Variants in EYA1 observed in about 807,000 individuals in gnomAD.
EYA1 encodes protein phosphatase EYA1.
EYA1 carries 16 observed loss-of-function variants against 82.0 expected under a neutral mutation model. The ratio of observed to expected loss-of-function variants is 0.20; its 90% CI spans 0.13 to 0.30. The LOEUF (loss-of-function observed/expected upper bound fraction) is 0.30, where lower values mean the gene tolerates loss of function less well. EYA1 is among the 10% of genes least tolerant of loss of function. The pLI, the probability that EYA1 is intolerant of heterozygous loss-of-function variation, is 1.00. For synonymous variants in EYA1, 261 were observed against 264.4 expected (o/e 0.99, Z 0.12); for missense variants, 633 against 730.7 (o/e 0.87, Z 1.54).
At chr8:71,355,501 T>C (rs1159349895) in intron 2 of EYA1, among the ~76,000 whole-genome samples, 2 of 152,214 alleles carry the variant, frequency 1.3e-5, no homozygotes. Context: ...AACTACTTAA[T>C]TGTTCCTCTG....
At chr8:71,298,057 G>A (rs1819781836) in intron 9 of EYA1, among the ~76,000 whole-genome samples, 1 of 152,040 alleles carries the variant, frequency 6.6e-6, no homozygotes, top group Non-Finnish European at 1.5e-5. Flanking sequence ...ACTTTTGGGG[G>A]AGAAATCACC....
chr8:71,380,792 C>G (rs1828657060), intron 2 of EYA1, among the ~76,000 whole-genome samples: 1 of 152,204 alleles, frequency 6.6e-6, no homozygotes, highest in South Asian at 2.1e-4. Flanking sequence ...GGGGCACAAC[C>G]AGTAATTCAA....
At chr8:71,350,589 A>G (rs998193019) in intron 3 of EYA1, among the ~76,000 whole-genome samples, 1 of 152,216 alleles carries the variant, frequency 6.6e-6, no homozygotes, top group Non-Finnish European at 1.5e-5. Context: ...TGCAGTGAAG[A>G]TTCCAATTGC....
chr8:71,408,317 A>T (rs958241142), intron 2 of EYA1, among the ~76,000 whole-genome samples: 1 of 151,934 alleles, frequency 6.6e-6, no homozygotes, highest in African/African-American at 2.4e-5. Context: ...GCATCAACTA[A>T]CGAGCAAAAA....
chr8:71,533,368 G>A (rs1379663105), intron 2 of EYA1, among the ~76,000 whole-genome samples: 1 of 152,202 alleles, frequency 6.6e-6, no homozygotes, highest in Non-Finnish European at 1.5e-5. Context: ...GCCAAATGCT[G>A]TTAACTGTTG....
At chr8:71,502,200 T>C (rs1030745741) in intron 2 of EYA1, among the ~76,000 whole-genome samples, 20 of 152,220 alleles carry the variant, frequency 1.3e-4, no homozygotes, top group African/African-American at 4.8e-4. Flanking sequence ...CCCATTTGAC[T>C]AGGTGATACA....
intron 12 of EYA1, among the ~76,000 whole-genome samples, chr8:71,242,773 C>CTTTTTT (rs35413533): frequency 9.3e-5 from 11 of 117,656 alleles, no homozygotes; most frequent in African/African-American, 3.3e-4. Context: ...AGTTTTGGCA[C>CTTTTTT]TTTTTTTTTT....
chr8:71,517,386 T>G (rs1021876567), intron 2 of EYA1, among the ~76,000 whole-genome samples: 4 of 151,916 alleles, frequency 2.6e-5, no homozygotes, highest in Admixed American at 2.0e-4. Context: ...TAAAATATTT[T>G]GAAAAATGCA....
chr8:71,488,744 C>T (rs1039730797), intron 2 of EYA1, among the ~76,000 whole-genome samples: 3 of 152,150 alleles, frequency 2.0e-5, no homozygotes. Flanking sequence ...AATTTTAAAA[C>T]AACAGCAAAA....
intron 6 of EYA1, among the ~76,000 whole-genome samples, chr8:71,319,643 T>C (rs1822311435): frequency 6.6e-6 from 1 of 152,166 alleles, no homozygotes; most frequent in Admixed American, 6.5e-5. Flanking sequence ...TCCCCACTGA[T>C]CTATCATTCT....
At chr8:71,272,004 A>T (rs887483453) in intron 9 of EYA1, 107 bp from the exon 10 acceptor site, 17 of 1,146,306 alleles carry the variant, frequency 1.5e-5, no homozygotes, top group African/African-American at 3.1e-5. Context: ...AGCACATTTC[A>T]TTCTGCTGAA....
intron 2 of EYA1, among the ~76,000 whole-genome samples, chr8:71,499,428 G>A (rs1027517648): frequency 6.6e-6 from 1 of 152,180 alleles, no homozygotes; most frequent in Non-Finnish European, 1.5e-5. Flanking sequence ...CTGAGGCACA[G>A]AGGTGCTAAG....
intron 16 of EYA1, among the ~76,000 whole-genome samples, chr8:71,213,834 G>A (rs1433828533): frequency 2.6e-5 from 4 of 152,004 alleles, no homozygotes; most frequent in East Asian, 1.9e-4. Flanking sequence ...ATCTTGTGTC[G>A]GCCTTCTTCA....
chr8:71,500,447 G>T (rs1339674131), intron 2 of EYA1, among the ~76,000 whole-genome samples: 1 of 152,078 alleles, frequency 6.6e-6, no homozygotes, highest in Admixed American at 6.5e-5. Context: ...TCACTTTGTT[G>T]CAAGCACTGC....
chr8:71,470,310 T>C (rs1809091239), intron 2 of EYA1, among the ~76,000 whole-genome samples: 1 of 152,120 alleles, frequency 6.6e-6, no homozygotes, highest in Non-Finnish European at 1.5e-5. Context: ...CTCTGAGGCT[T>C]AGGGCAAGTC....
chr8:71,465,299 A>C (rs1808694552), intron 2 of EYA1, among the ~76,000 whole-genome samples: 1 of 152,212 alleles, frequency 6.6e-6, no homozygotes, highest in Non-Finnish European at 1.5e-5. Context: ...CAAGATTTGT[A>C]ACTGGCCACG....
chr8:71,543,139 C>G (rs983099226), intron 1 of EYA1, among the ~76,000 whole-genome samples: 1 of 152,108 alleles, frequency 6.6e-6, no homozygotes, highest in Non-Finnish European at 1.5e-5. Flanking sequence ...ATGGTGTTGC[C>G]TAGGTTGTCT....
rs539202885 is a variant in EYA1, at chr8:71,396,994, T to C, written c.34-40483A>G. Among the ~76,000 whole-genome samples the C allele has an allele frequency of 7.9e-5, 12 of 152,384 alleles. No homozygotes were observed. In the South Asian group the frequency reaches 1.9e-3, roughly 24 times the overall value. ...CTCCTGTATTGGATGCATATATATT[T>C]AGCATAGTTAGCTCTTCTTGTTGAA... is the stretch of plus-strand genomic sequence containing the variant. On this transcript the variant is annotated intron_variant, in intron 2 of 18. Transcript: ENST00000643681.
At chr8:71,298,071 T>C (rs1376246669) in intron 9 of EYA1, among the ~76,000 whole-genome samples, 4 of 152,164 alleles carry the variant, frequency 2.6e-5, no homozygotes, top group African/African-American at 9.7e-5. Flanking sequence ...AATCACCCAT[T>C]AATATTTAAA....
Sources: allele counts gnomAD v4.1 joint callset (sites outside exome capture counted in the v4.1 genomes callset), GRCh38; gene constraint gnomAD v4.1.1; transcripts MANE v1.5; gene names NCBI Gene and HGNC (gene_info 2026-07-23, HGNC 2026-07-21).